Variants in GTPBP10 observed in about 807,000 individuals in gnomAD.
GTPBP10 encodes the protein GTP-binding protein 10.
GTPBP10 carries 38 observed loss-of-function variants against 44.8 expected under a neutral mutation model. The ratio of observed to expected loss-of-function variants is 0.85; its 90% CI spans 0.65 to 1.11. GTPBP10 has a LOEUF of 1.11. Among genes scored for constraint, GTPBP10 ranks in the 50% most tolerant of loss-of-function variants. The pLI, the probability that GTPBP10 is intolerant of heterozygous loss-of-function variation, is 0.00. For synonymous variants in GTPBP10, 152 were observed against 150.6 expected (o/e 1.01, Z -0.07); for missense variants, 462 against 453.7 (o/e 1.02, Z -0.17).
At chr7:90,367,893 T>G (rs9691038) in intron 4 of GTPBP10, among the ~76,000 whole-genome samples, 37,973 of 152,096 alleles carry the variant, frequency 0.25, 5,106 homozygotes, top group African/African-American at 0.35. Context: ...GTTTACAATT[T>G]GGTATGTTTT....
intron 1 of GTPBP10, among the ~76,000 whole-genome samples, chr7:90,349,397 T>C (rs1019959648): frequency 1.4e-4 from 21 of 152,172 alleles, no homozygotes; most frequent in Non-Finnish European, 2.5e-4. Flanking sequence ...CCTTTGATGT[T>C]GAACTCATGG....
At chr7:90,367,889 A>C (rs1342906849) in intron 4 of GTPBP10, among the ~76,000 whole-genome samples, 1 of 152,134 alleles carries the variant, frequency 6.6e-6, no homozygotes, top group Non-Finnish European at 1.5e-5. Flanking sequence ...TGGTGTTTAC[A>C]ATTTGGTATG....
chr7:90,355,176 A>G lies in GTPBP10; in HGVS notation c.410A>G (p.Gln137Arg), dbSNP rs1292502083. 1 of 1,606,724 alleles carries G rather than the reference A, an allele frequency of 6.2e-7. No homozygotes were observed. Among genetic ancestry groups the G allele is most frequent in the Non-Finnish European group, 8.5e-7 (1 of 1,175,664 alleles). ...ACAAATTTCTTACCATTGAAAGGCCAGAAACGAATAATTCACCTTGATCTA... is the reference window on the plus strand; with the variant it reads ...ACAAATTTCTTACCATTGAAAGGCCGGAAACGAATAATTCACCTTGATCTA... ...LLTNFLPLKG[Q>R]KRIIHLDLKL... Residue 137 changes from glutamine (Q) to arginine (R), a missense_variant, in exon 4 of 10, where the codon CAG (glutamine) becomes CGG (arginine). Physicochemically the swap from Gln to Arg is conservative, Grantham distance 43. Transcript: ENST00000222511.
At chr7:90,355,564 C>T (rs1241642954) in intron 4 of GTPBP10, among the ~76,000 whole-genome samples, 1 of 151,830 alleles carries the variant, frequency 6.6e-6, no homozygotes, top group Non-Finnish European at 1.5e-5. Flanking sequence ...CCAAACAAAC[C>T]GTATTATTAT....
At chr7:90,346,913 T>G in intron 1 of GTPBP10, 139 bp downstream of exon 1, 1 of 898,188 alleles carries the variant, frequency 1.1e-6, no homozygotes, top group Non-Finnish European at 1.8e-6. Flanking sequence ...GCCCCTCCTG[T>G]AGTGGCGCTT....
At chr7:90,348,186 C>T (rs961194065) in intron 1 of GTPBP10, among the ~76,000 whole-genome samples, 3 of 152,064 alleles carry the variant, frequency 2.0e-5, no homozygotes, top group African/African-American at 7.2e-5. Context: ...CCACGGCACT[C>T]GAGCCCAGGC....
At position 90,389,391 on chromosome 7, in the gene GTPBP10, T is replaced by G. The variant is rs1796577586; in HGVS notation, c.*4237T>G. The G allele has an allele frequency of 7.0e-6, 1 of 142,886 alleles. No individual in the cohort carries two copies. The highest frequency in any genetic ancestry group is 1.6e-5 in the Non-Finnish European group (1 of 64,228). The allele number at this position is 142,886 out of a possible 1,614,324, so 8.9% of individuals were successfully genotyped here. On this transcript the variant is annotated 3_prime_UTR_variant, in exon 10 of 10. Coordinates refer to ENST00000222511, the MANE Select transcript of GTPBP10 (RefSeq NM_033107.4). ...TTGGGAGCCTAAAAAATTTGAATTT[T>G]TTTTTTTCCCCCCCCAGACGGAGTC...
At chr7:90,380,341 G>A (rs557313375) in intron 8 of GTPBP10, among the ~76,000 whole-genome samples, 7 of 152,220 alleles carry the variant, frequency 4.6e-5, no homozygotes, top group African/African-American at 1.7e-4. Flanking sequence ...GCTTCCCAGA[G>A]TGCTGGGATT....
At position 90,360,910 on chromosome 7, in the gene GTPBP10, C is replaced by A. The variant is rs186979274; in HGVS notation, c.464+5680C>A. Among the ~76,000 whole-genome samples the A allele has an allele frequency of 8.3e-3, 1,266 of 152,086 alleles. 17 individuals are homozygous for A. Among genetic ancestry groups the A allele is most frequent in the African/African-American group, 0.027 (1,131 of 41,508 alleles). ...TCTCTTTGAAGCAATTGTGAATGGG[C>A]GTTCACTCATGATTTGGCTCTCTGT... On this transcript the variant is annotated intron_variant, in intron 4 of 9. Transcript: ENST00000222511.
At chr7:90,354,170 C>T (rs1363462168) in intron 2 of GTPBP10, among the ~76,000 whole-genome samples, 1 of 152,056 alleles carries the variant, frequency 6.6e-6, no homozygotes, top group Admixed American at 6.6e-5. Flanking sequence ...ATAATCTCTT[C>T]ATTTCATGGT....
chr7:90,356,398 T>C (rs769480021), intron 4 of GTPBP10, among the ~76,000 whole-genome samples: 1 of 152,238 alleles, frequency 6.6e-6, no homozygotes, highest in Non-Finnish European at 1.5e-5. Context: ...TAGGGTCTTA[T>C]GGACAAGACT....
chr7:90,388,491 T>C lies in GTPBP10; in HGVS notation c.*3337T>C, dbSNP rs1796563079. The stretch of plus-strand genomic sequence containing the variant: ...TTATACAGTATTAAGTATATTGTAC[T>C]ATGAAGTTGGACCTGCACACTGAAA... On this transcript the variant is annotated 3_prime_UTR_variant, in exon 10 of 10. Transcript: ENST00000222511. 1 of 152,170 alleles carries C rather than the reference T, an allele frequency of 6.6e-6. No homozygotes were observed. The highest frequency in any genetic ancestry group is 1.5e-5 in the Non-Finnish European group (1 of 68,012). 9.4% of individuals were successfully genotyped at this position (152,170 alleles called of 1,614,324 possible). A position where few individuals can be genotyped will look rare whatever the true frequency, so the allele number is the denominator to read the frequency against.
chr7:90,385,518 A>G lies in GTPBP10; in HGVS notation c.*364A>G, dbSNP rs17864000. 0.017 allele frequency: 2,773 copies of G among 165,242 alleles called. 31 individuals carry two copies. Among genetic ancestry groups the G allele is most frequent in the Middle Eastern group, 0.031 (10 of 326 alleles). The allele number at this position is 165,242 out of a possible 1,614,324, so 10.2% of individuals were successfully genotyped here. The stretch of plus-strand genomic sequence containing the variant: ...AAGTGGTTTTTCCAAAAAAGCACAT[A>G]AGGTAATGCACGTTAATTAGCTATA... On this transcript the variant is annotated 3_prime_UTR_variant, in exon 10 of 10. Coordinates refer to ENST00000222511, the MANE Select transcript of GTPBP10 (RefSeq NM_033107.4).
rs755987080 is a variant in GTPBP10 at position 90,387,462 on chromosome 7, TAAAG to T, written c.*2312_*2315del. On this transcript the variant is annotated 3_prime_UTR_variant, in exon 10 of 10. Transcript: ENST00000222511. ...GGCTGTTCACCCTTTGGTAAAGTAT[TAAAG>T]AAAAATAATGCATTGTTCTCAGCTT... The T allele has an allele frequency of 6.6e-6, 1 of 152,218 alleles. No individual in the cohort carries two copies. Among genetic ancestry groups the T allele is most frequent in the Non-Finnish European group, 1.5e-5 (1 of 68,034 alleles). 9.4% of individuals were successfully genotyped at this position (152,218 alleles called of 1,614,324 possible). A position where few individuals can be genotyped will look rare whatever the true frequency, so the allele number is the denominator to read the frequency against.
chr7:90,373,942 G>A (rs562660432), intron 5 of GTPBP10, among the ~76,000 whole-genome samples: 161 of 152,280 alleles, frequency 1.1e-3, no homozygotes, highest in African/African-American at 3.7e-3. Flanking sequence ...CTGGGCTCAA[G>A]CAATCCTCCC....
In GTPBP10 at chr7:90,352,886, T is replaced by TAGGTGGAGA. The variant is rs755733456; in HGVS notation, c.112_120dup (p.Glu38_Gly40dup). ...TCCGGTGGAATGGGTTATCCTCGTT[T>TAGGTGGAGA]AGGTGGAGAAGGTGGAAAAGGTGGT... On this transcript the variant is annotated inframe_insertion, in exon 2 of 10. Coordinates refer to ENST00000222511, the MANE Select transcript of GTPBP10 (RefSeq NM_033107.4). The TAGGTGGAGA allele has an allele frequency of 2.5e-6, 4 of 1,613,866 alleles. No individual in the cohort carries two copies. In the East Asian group the frequency reaches 6.7e-5, roughly 27 times the overall value.
rs567919951 is a variant in GTPBP10, at chr7:90,360,649, A to G, written c.464+5419A>G. Among the ~76,000 whole-genome samples the G allele has an allele frequency of 9.2e-5, 14 of 152,204 alleles. No individual in the cohort carries two copies. In the South Asian group the frequency reaches 2.1e-3, roughly 23 times the overall value. On this transcript the variant is annotated intron_variant, in intron 4 of 9. Coordinates refer to ENST00000222511, the MANE Select transcript of GTPBP10 (RefSeq NM_033107.4). ...TCTTTTTTGTTTCCATACGAACTTT[A>G]AAGTAGTTTTTTCCAATTCTGTAAA... is the stretch of plus-strand genomic sequence containing the variant.
intron 4 of GTPBP10, among the ~76,000 whole-genome samples, chr7:90,359,664 G>C (rs1041027739): frequency 6.6e-6 from 1 of 152,138 alleles, no homozygotes; most frequent in Non-Finnish European, 1.5e-5. Context: ...CCCAGTAATG[G>C]GATGGCTGGG....
intron 4 of GTPBP10, chr7:90,371,217 G>A: frequency 2.1e-6 from 2 of 968,746 alleles, no homozygotes; most frequent in Non-Finnish European, 2.5e-6. Flanking sequence ...AACAGTGTCT[G>A]TCTACCTGTA....
Sources: gnomAD v4.1 joint callset for allele counts (sites outside exome capture counted in the v4.1 genomes callset) on GRCh38, gnomAD v4.1.1 for gene constraint, MANE v1.5 for transcripts, NCBI Gene and HGNC (gene_info 2026-07-23, HGNC 2026-07-21) for gene names.